Variants in APBA2 observed in about 807,000 individuals in gnomAD.
APBA2 encodes the protein amyloid beta precursor protein binding family A member 2, also known as amyloid-beta A4 precursor protein-binding family A member 2.
APBA2 carries 30 observed loss-of-function variants against 75.0 expected under a neutral mutation model. The observed-to-expected ratio is 0.40, with a 90% CI of 0.30 to 0.54. The LOEUF is 0.54. Among genes scored for constraint, APBA2 ranks in the 20% least tolerant of loss-of-function variants. APBA2 has a pLI of 0.49. For synonymous variants in APBA2, 444 were observed against 409.6 expected (o/e 1.08, Z -1.01); for missense variants, 801 against 1,016.1 (o/e 0.79, Z 2.88).
chr15:28,927,951 C>G (rs1460699089), intron 2 of APBA2, among the ~76,000 whole-genome samples: 2 of 151,210 alleles, frequency 1.3e-5, no homozygotes, highest in Non-Finnish European at 3.0e-5. Flanking sequence ...TGAGACCAAT[C>G]TGACCAACAT....
At chr15:29,116,352 C>T (rs926780560) in intron 14 of APBA2, among the ~76,000 whole-genome samples, 12 of 151,998 alleles carry the variant, frequency 7.9e-5, no homozygotes, top group African/African-American at 2.2e-4. Context: ...GTAGGCCGGG[C>T]GCGGTGGCTC....
intron 3 of APBA2, among the ~76,000 whole-genome samples, chr15:29,040,806 A>C (rs932578497): frequency 6.6e-6 from 1 of 152,234 alleles, no homozygotes; most frequent in Non-Finnish European, 1.5e-5. Flanking sequence ...GGATACAAAG[A>C]AGCAAAAAAA....
chr15:28,979,240 C>T (rs2037498124), intron 2 of APBA2, among the ~76,000 whole-genome samples: 1 of 152,184 alleles, frequency 6.6e-6, no homozygotes, highest in South Asian at 2.1e-4. Context: ...CGGGCCCTAC[C>T]ACCAAGCCCT....
In APBA2 at chr15:29,054,490, C is replaced by T. The variant is rs761618105; in HGVS notation, c.606C>T (p.Asn202=). 5.2e-5 allele frequency: 84 copies of T among 1,613,716 alleles called. No individual in the cohort carries two copies. The highest frequency in any genetic ancestry group is 1.6e-4 in the Middle Eastern group (1 of 6,084). Residue 202 remains asparagine (N), a synonymous_variant, in exon 4 of 15, where the codon AAC becomes AAT. Transcript: ENST00000683413. The surrounding 1 kb of genome is among the most constrained non-coding windows in gnomAD (Gnocchi z 6.1). ...GYQDYYPEEA[N]GNTGASPYRL... ...AGGACTACTACCCCGAGGAGGCCAACGGGAACACCGGCGCCTCCCCCTACC... is the reference window on the plus strand; with the variant it reads ...AGGACTACTACCCCGAGGAGGCCAATGGGAACACCGGCGCCTCCCCCTACC...
chr15:29,100,535 G>A (rs1483951375), intron 9 of APBA2, among the ~76,000 whole-genome samples: 1 of 152,238 alleles, frequency 6.6e-6, no homozygotes. Context: ...GATGCTGGCT[G>A]GAGATTCCTG....
At chr15:29,039,180 G>T (rs1004836957) in intron 3 of APBA2, among the ~76,000 whole-genome samples, 1 of 144,402 alleles carries the variant, frequency 6.9e-6, no homozygotes, top group Non-Finnish European at 1.5e-5. Context: ...CTGAGGAGTT[G>T]CATTGCTTCC....
At chr15:28,902,221 A>G (rs552868235) in intron 1 of APBA2, among the ~76,000 whole-genome samples, 17 of 152,238 alleles carry the variant, frequency 1.1e-4, no homozygotes, top group African/African-American at 3.9e-4. Context: ...GCCAACAGCA[A>G]GTCATGTGGG....
At position 28,926,549 on chromosome 15, in the gene APBA2, A is replaced by G. The variant is rs144492339; in HGVS notation, c.-95+4800A>G. On this transcript the variant is annotated intron_variant, in intron 2 of 14. Coordinates refer to ENST00000683413, the MANE Select transcript of APBA2 (RefSeq NM_001353788.2). ...TACCATTATTGCAGTAAATAAATTT[A>G]TTTTTATATCAAATAAGAGTAAGGA... is the stretch of plus-strand genomic sequence containing the variant. 1.8e-4 allele frequency among the ~76,000 whole-genome samples: 27 copies of G among 152,208 alleles called. No individual in the cohort carries two copies. The East Asian group carries it at 5.0e-3, about 28-fold the overall frequency.
intron 2 of APBA2, among the ~76,000 whole-genome samples, chr15:28,946,444 A>G (rs2035555086): frequency 6.6e-6 from 1 of 152,246 alleles, no homozygotes; most frequent in Non-Finnish European, 1.5e-5. Flanking sequence ...CAAGGAATGC[A>G]GGTGGCTTCT....
chr15:29,096,821 C>A (rs11070544), intron 8 of APBA2, among the ~76,000 whole-genome samples: 1 of 152,108 alleles, frequency 6.6e-6, no homozygotes, highest in East Asian at 1.9e-4. Flanking sequence ...CCAGTGACCA[C>A]GGAGAATTAT....
intron 2 of APBA2, chr15:28,970,583 A>G (rs1056730288): frequency 2.0e-5 from 3 of 151,026 alleles, no homozygotes; most frequent in African/African-American, 7.3e-5. Context: ...ACAATTTTGG[A>G]AACATACTTT....
At chr15:29,019,914 G>T (rs529539973) in intron 3 of APBA2, among the ~76,000 whole-genome samples, 4 of 152,352 alleles carry the variant, frequency 2.6e-5, no homozygotes, top group Non-Finnish European at 4.4e-5. Context: ...TTCCCAAATG[G>T]CTACAGAGTG....
intron 2 of APBA2, among the ~76,000 whole-genome samples, chr15:28,968,158 G>A (rs1015554522): frequency 1.3e-5 from 2 of 152,246 alleles, no homozygotes; most frequent in African/African-American, 2.4e-5. Flanking sequence ...CGTATGTGTA[G>A]ACCACATTTT....
intron 1 of APBA2, among the ~76,000 whole-genome samples, chr15:28,911,621 G>A (rs1436153728): frequency 1.3e-5 from 2 of 152,190 alleles, no homozygotes; most frequent in Non-Finnish European, 2.9e-5. Context: ...TTAAATAGAT[G>A]TTGCTTAAGC....
intron 2 of APBA2, among the ~76,000 whole-genome samples, chr15:28,929,268 C>A (rs1470856306): frequency 6.6e-6 from 1 of 152,150 alleles, no homozygotes; most frequent in Non-Finnish European, 1.5e-5. Flanking sequence ...TCCTTGCACC[C>A]ACAAGACAGC....
chr15:28,916,541 C>T (rs1439820975), intron 1 of APBA2, among the ~76,000 whole-genome samples: 10 of 152,370 alleles, frequency 6.6e-5, no homozygotes, highest in African/African-American at 2.2e-4. Flanking sequence ...GCTCCCCTCC[C>T]CAGAGGACAT....
At position 29,080,612 on chromosome 15, in the gene APBA2, G is replaced by C. The variant is rs115320010; in HGVS notation, c.1069+4521G>C. Among the ~76,000 whole-genome samples the C allele has an allele frequency of 4.1e-3, 631 of 152,338 alleles. 6 individuals carry two copies. Among genetic ancestry groups the C allele is most frequent in the African/African-American group, 0.015 (615 of 41,568 alleles). ...GGATTGCACAGAGGATGCACTGCCT[G>C]TCCTGCGGGGAGGAATCCGAAAGCA... On this transcript the variant is annotated intron_variant, in intron 6 of 14. Coordinates refer to ENST00000683413, the MANE Select transcript of APBA2 (RefSeq NM_001353788.2).
intron 2 of APBA2, among the ~76,000 whole-genome samples, 187 bp downstream of exon 2, chr15:28,921,936 G>A (rs970722900): frequency 3.3e-5 from 5 of 152,180 alleles, no homozygotes; most frequent in African/African-American, 1.2e-4. Context: ...CTTCACATAC[G>A]CTTACATTTA....
intron 13 of APBA2, among the ~76,000 whole-genome samples, chr15:29,109,886 C>T (rs898008011): frequency 6.6e-6 from 1 of 152,226 alleles, no homozygotes; most frequent in Non-Finnish European, 1.5e-5. Flanking sequence ...GGAGGAGGCC[C>T]CGTGGCCCCT....
Sources: allele counts gnomAD v4.1 joint callset (sites outside exome capture counted in the v4.1 genomes callset), GRCh38; gene constraint gnomAD v4.1.1; non-coding constraint Gnocchi (gnomAD v3.1); transcripts MANE v1.5; gene names NCBI Gene and HGNC (gene_info 2026-07-23, HGNC 2026-07-21).